NGLY1: variants seen among roughly 807,000 people sequenced by gnomAD.
NGLY1 encodes N-glycanase 1, also known as peptide-N(4)-(N-acetyl-beta-glucosaminyl)asparagine amidase.
A neutral mutation model predicts 84.6 loss-of-function variants in NGLY1; 68 were observed. That is an observed-to-expected ratio of 0.80 (90% CI 0.66 to 0.98). The LOEUF (loss-of-function observed/expected upper bound fraction) is 0.98. Among genes scored for constraint, NGLY1 ranks in the 50% least tolerant of loss-of-function variants. The pLI, the probability that NGLY1 is intolerant of heterozygous loss-of-function variation, is 0.00. For missense variants in NGLY1, 779 were observed against 770.2 expected (o/e 1.01, Z -0.14); for synonymous variants, 280 against 275.2 (o/e 1.02, Z -0.17).
At chr3:25,763,563 A>G (rs1322892294) in intron 3 of NGLY1, among the ~76,000 whole-genome samples, 1 of 152,242 alleles carries the variant, frequency 6.6e-6, no homozygotes, top group Admixed American at 6.5e-5. Flanking sequence ...CTGACAGTAA[A>G]AACTTAGGAG....
At chr3:25,721,505 G>C (rs1299110953) in intron 10 of NGLY1, among the ~76,000 whole-genome samples, 2 of 151,952 alleles carry the variant, frequency 1.3e-5, no homozygotes, top group Admixed American at 6.6e-5. Flanking sequence ...TGTAATCCCA[G>C]CACTTTGGGA....
At chr3:25,723,859 T>A (rs1240590269) in intron 10 of NGLY1, among the ~76,000 whole-genome samples, 1 of 152,164 alleles carries the variant, frequency 6.6e-6, no homozygotes, top group Non-Finnish European at 1.5e-5. Flanking sequence ...GCTAGTAAAG[T>A]CAGAAATCAT....
At chr3:25,775,722 G>C (rs979638325) in intron 2 of NGLY1, among the ~76,000 whole-genome samples, 1 of 152,200 alleles carries the variant, frequency 6.6e-6, no homozygotes, top group Non-Finnish European at 1.5e-5. Flanking sequence ...AATAGAAAGA[G>C]ATTGGTTAAT....
intron 7 of NGLY1, 124 bp from the exon 8 acceptor site, chr3:25,734,106 G>C: frequency 7.3e-7 from 1 of 1,363,174 alleles, no homozygotes; most frequent in African/African-American, 1.4e-5. Context: ...TCGCTCTGTT[G>C]TCCAGGCTAG....
chr3:25,760,451 C>T (rs1333390079), intron 3 of NGLY1, among the ~76,000 whole-genome samples: 2 of 152,118 alleles, frequency 1.3e-5, no homozygotes, highest in East Asian at 3.9e-4. Context: ...GATATAAGGA[C>T]ACAATGTAAT....
chr3:25,775,274 A>C (rs551197341), intron 2 of NGLY1, among the ~76,000 whole-genome samples: 5 of 152,336 alleles, frequency 3.3e-5, no homozygotes, highest in African/African-American at 9.6e-5. Flanking sequence ...GGGAGCTGCA[A>C]GTTAGTCCTG....
At chr3:25,778,513 C>T in intron 2 of NGLY1, 61 bp downstream of exon 2, 1 of 870,190 alleles carries the variant, frequency 1.1e-6, no homozygotes, top group Non-Finnish European at 1.8e-6. Flanking sequence ...AATTATTCAC[C>T]AACATGATAA....
chr3:25,760,860 C>CAAAAAAAAAAAAA (rs760535260), intron 3 of NGLY1, among the ~76,000 whole-genome samples: 3 of 71,674 alleles, frequency 4.2e-5, no homozygotes, highest in African/African-American at 1.4e-4. Flanking sequence ...AACTCTGTCT[C>CAAAAAAAAAAAAA]AAAAAAAAAA....
In NGLY1 at chr3:25,774,320, G is replaced by T. The variant is rs186906449; in HGVS notation, c.246+4254C>A. ...GAAGATGTAAGCTTGCCCTAGGGTT[G>T]CCTGCATAAGTATTTGGGTTTCTCA... is the stretch of plus-strand genomic sequence containing the variant. On this transcript the variant is annotated intron_variant, in intron 2 of 11. Transcript: ENST00000280700. 9.8e-5 allele frequency among the ~76,000 whole-genome samples: 15 copies of T among 152,308 alleles called. No homozygotes were observed. The East Asian group carries it at 2.9e-3, about 29-fold the overall frequency.
chr3:25,789,606 G>A (rs1708677656), intron 1 of NGLY1, among the ~76,000 whole-genome samples: 1 of 152,094 alleles, frequency 6.6e-6, no homozygotes, highest in Admixed American at 6.5e-5. Context: ...ATTTTAAACG[G>A]CTGCATGGCA....
intron 3 of NGLY1, among the ~76,000 whole-genome samples, chr3:25,756,082 T>C (rs1707019709): frequency 6.6e-6 from 1 of 152,224 alleles, no homozygotes; most frequent in Admixed American, 6.5e-5. Context: ...TCACTAGCTT[T>C]TTTATTTTTA....
intron 9 of NGLY1, among the ~76,000 whole-genome samples, chr3:25,730,887 T>C (rs750877399): frequency 5.9e-5 from 9 of 152,066 alleles, no homozygotes; most frequent in Non-Finnish European, 1.3e-4. Flanking sequence ...GCATTTTTCA[T>C]TGCATATTTC....
chr3:25,736,394 T>C (rs1340817851), intron 6 of NGLY1: 12 of 1,547,816 alleles, frequency 7.8e-6, no homozygotes, highest in East Asian at 2.4e-5. Context: ...TAATGTGCGC[T>C]GTAACTCTTA....
intron 3 of NGLY1, among the ~76,000 whole-genome samples, chr3:25,754,332 GGAAGGAAAAGACCATTCCTGTCA>G (rs1261169881): frequency 6.6e-6 from 1 of 152,138 alleles, no homozygotes; most frequent in Non-Finnish European, 1.5e-5. Context: ...TAACAAAAAG[GGAAGGAAAAGACCATTCCTGTCA>G]GAAGGAACAG....
intron 10 of NGLY1, among the ~76,000 whole-genome samples, chr3:25,727,673 G>A (rs767614535): frequency 9.2e-5 from 14 of 152,122 alleles, no homozygotes; most frequent in Non-Finnish European, 1.8e-4. Context: ...TTTTGTTTAC[G>A]TAGCTGAGAA....
intron 8 of NGLY1, among the ~76,000 whole-genome samples, 170 bp from the exon 9 acceptor site, chr3:25,732,653 C>G (rs1705600151): frequency 6.6e-6 from 1 of 152,124 alleles, no homozygotes; most frequent in African/African-American, 2.4e-5. Flanking sequence ...CTGTGGAAAA[C>G]TTAAATAATT....
chr3:25,783,310 G>C lies in NGLY1; in HGVS notation c.81C>G (p.Thr27=). The change falls in exon 1 of 12, where the codon ACC becomes ACG. Residue 27 remains threonine (T), a synonymous_variant. Transcript: ENST00000280700. This position sits in a 1 kb window ranked among gnomAD's most constrained non-coding sequence, Gnocchi z 4.5. ...VAELCQNTPE[T]FLEASKLLLT... is the part of the protein sequence containing the mutation. ...GCAGCAGCTTGGAGGCCTCCAAAAA[G>C]GTCTCCGGGGTGTTCTGGCAGAGCT... is the stretch of plus-strand genomic sequence containing the variant. The C allele has an allele frequency of 6.2e-7, 1 of 1,605,754 alleles. No individual in the cohort carries two copies. The highest frequency in any genetic ancestry group is 1.7e-4 in the Middle Eastern group (1 of 5,796).
chr3:25,745,829 T>A (rs886586831), intron 4 of NGLY1, among the ~76,000 whole-genome samples: 4 of 152,234 alleles, frequency 2.6e-5, no homozygotes, highest in Non-Finnish European at 5.9e-5. Flanking sequence ...CAATAGTCAA[T>A]CCTGCTGAAT....
chr3:25,778,768 G>A (rs905432604), intron 1 of NGLY1, 80 bp from the exon 2 acceptor site: 3 of 758,546 alleles, frequency 4.0e-6, no homozygotes, highest in South Asian at 3.6e-5. Context: ...CAACAAACAT[G>A]ACCTAGGTAT....
Sources: allele counts gnomAD v4.1 joint callset (sites outside exome capture counted in the v4.1 genomes callset), GRCh38; gene constraint gnomAD v4.1.1; non-coding constraint Gnocchi (gnomAD v3.1); transcripts MANE v1.5; gene names NCBI Gene and HGNC (gene_info 2026-07-23, HGNC 2026-07-21).